Variants in GBF1 observed in about 807,000 individuals in gnomAD.
The protein encoded by GBF1 is Golgi-specific brefeldin A-resistance guanine nucleotide exchange factor 1.
A neutral mutation model predicts 210.5 loss-of-function variants in GBF1; 114 were observed. That is an observed-to-expected ratio of 0.54 (90% CI 0.47 to 0.63). GBF1 has a LOEUF of 0.63. GBF1 is among the 30% of genes least tolerant of loss of function. The pLI, the probability that GBF1 is intolerant of heterozygous loss-of-function variation, is 0.00. For missense variants in GBF1, 1,851 were observed against 2,357.7 expected, an observed-to-expected ratio of 0.79 and a Z score of 4.45; for synonymous variants, 850 against 889.2, an observed-to-expected ratio of 0.96 and a Z score of 0.78.
chr10:102,243,471 T>C, upstream of GBF1, among the ~76,000 whole-genome samples: 1 of 152,180 alleles, frequency 6.6e-6, no homozygotes, highest in Admixed American at 6.5e-5. Flanking sequence ...AATTGTCATC[T>C]CTCTCCTCCC....
intron 3 of GBF1, among the ~76,000 whole-genome samples, chr10:102,272,953 G>T (rs1173966687): frequency 6.6e-6 from 1 of 152,128 alleles, no homozygotes; most frequent in Non-Finnish European, 1.5e-5. Context: ...CTTCAGACTG[G>T]TTCCTTTGTC....
intron 28 of GBF1, 91 bp from the exon 29 acceptor site, chr10:102,370,616 A>G (rs779686977): frequency 2.3e-5 from 31 of 1,375,396 alleles, no homozygotes; most frequent in Non-Finnish European, 2.9e-5. Flanking sequence ...TACTTAGGGT[A>G]TAATACCAAT....
intron 30 of GBF1, 115 bp from the exon 31 acceptor site, chr10:102,376,157 A>G (rs2060482486): frequency 5.3e-6 from 4 of 749,724 alleles, no homozygotes; most frequent in Non-Finnish European, 8.9e-6. Flanking sequence ...AAATTAAACT[A>G]TGCCAGAGAG....
At chr10:102,248,107 C>T (rs947309943) in intron 1 of GBF1, among the ~76,000 whole-genome samples, 5 of 152,150 alleles carry the variant, frequency 3.3e-5, no homozygotes, top group Non-Finnish European at 5.9e-5. Flanking sequence ...TATGACACTT[C>T]TCATTGATTG....
At chr10:102,291,644 C>T (rs1248738659) in intron 3 of GBF1, among the ~76,000 whole-genome samples, 2 of 152,084 alleles carry the variant, frequency 1.3e-5, no homozygotes, top group East Asian at 1.9e-4. Context: ...AAATGGAAAG[C>T]GTGGGAGTGG....
chr10:102,254,971 A>G (rs1340389410), intron 1 of GBF1, among the ~76,000 whole-genome samples: 1 of 152,180 alleles, frequency 6.6e-6, no homozygotes, highest in Non-Finnish European at 1.5e-5. Context: ...GTGAGGGGAC[A>G]TACTCAGAGA....
chr10:102,288,730 AAAAAAC>A (rs1182476277), intron 3 of GBF1, among the ~76,000 whole-genome samples: 6 of 145,792 alleles, frequency 4.1e-5, no homozygotes, highest in South Asian at 2.2e-4. Flanking sequence ...AGGAAAAAAA[AAAAAAC>A]AAAAAAAAAA....
chr10:102,319,889 C>A (rs2056239153), intron 3 of GBF1, among the ~76,000 whole-genome samples: 1 of 151,768 alleles, frequency 6.6e-6, no homozygotes, highest in African/African-American at 2.4e-5. Context: ...CCACCACGCC[C>A]AACTAATTTT....
the GBF1 span, among the ~76,000 whole-genome samples, chr10:102,235,690 C>G: frequency 6.6e-6 from 1 of 152,148 alleles, no homozygotes; most frequent in Non-Finnish European, 1.5e-5. Context: ...TTGAGTTAGG[C>G]ACTGAGGGTG....
intron 1 of GBF1, among the ~76,000 whole-genome samples, chr10:102,257,193 GCTTT>G (rs1282920673): frequency 6.6e-6 from 1 of 152,194 alleles, no homozygotes; most frequent in Non-Finnish European, 1.5e-5. Flanking sequence ...TCATATTAAT[GCTTT>G]CTTGCTGTCA....
intron 3 of GBF1, among the ~76,000 whole-genome samples, chr10:102,297,945 G>GT (rs2077040168): frequency 6.6e-6 from 1 of 151,904 alleles, no homozygotes; most frequent in Non-Finnish European, 1.5e-5. Flanking sequence ...TTTGGTTTTG[G>GT]TTTTTTTGAG....
At chr10:102,342,157 C>G (rs901941479) in intron 3 of GBF1, among the ~76,000 whole-genome samples, 1 of 151,790 alleles carries the variant, frequency 6.6e-6, no homozygotes, top group Non-Finnish European at 1.5e-5. Flanking sequence ...CTGCCTCAGC[C>G]TCCCGAGTAG....
intron 3 of GBF1, among the ~76,000 whole-genome samples, chr10:102,326,695 CAT>C (rs1163889836): frequency 2.0e-5 from 3 of 152,180 alleles, no homozygotes; most frequent in African/African-American, 7.2e-5. Flanking sequence ...CAACCCCACA[CAT>C]ATATACAAAA....
chr10:102,367,893 G>A (rs1036153399), intron 21 of GBF1, among the ~76,000 whole-genome samples: 1 of 152,172 alleles, frequency 6.6e-6, no homozygotes, highest in African/African-American at 2.4e-5. Context: ...TGGAGTGTGA[G>A]GCCCAGGTTA....
the GBF1 span, among the ~76,000 whole-genome samples, chr10:102,238,975 A>G: frequency 1.8e-3 from 278 of 152,296 alleles, 1 homozygote; most frequent in African/African-American, 6.0e-3. Context: ...ACATTTTTCT[A>G]TTCATCCTGA....
chr10:102,262,008 CTGAG>C (rs1309693144), intron 3 of GBF1, among the ~76,000 whole-genome samples: 2 of 152,172 alleles, frequency 1.3e-5, no homozygotes, highest in Non-Finnish European at 2.9e-5. Context: ...CCTCAGCCTC[CTGAG>C]TAACTGGGAT....
At chr10:102,325,171 T>C (rs974793833) in intron 3 of GBF1, among the ~76,000 whole-genome samples, 3 of 152,198 alleles carry the variant, frequency 2.0e-5, no homozygotes, top group African/African-American at 7.2e-5. Context: ...ATTCCCTAAG[T>C]GCGTTACAGG....
At chr10:102,230,841 G>C in the GBF1 span, 1 of 1,588,552 alleles carries the variant, frequency 6.3e-7, no homozygotes, top group African/African-American at 1.3e-5. Flanking sequence ...TGGAGGCGGC[G>C]ATGGAGCTGG....
At chr10:102,247,836 G>A (rs969741871) in intron 1 of GBF1, among the ~76,000 whole-genome samples, 4 of 152,162 alleles carry the variant, frequency 2.6e-5, no homozygotes, top group African/African-American at 9.7e-5. Context: ...CATTGGCACA[G>A]TGGGAACTCA....
Sources: gnomAD v4.1 joint callset for allele counts (sites outside exome capture counted in the v4.1 genomes callset) on GRCh38, gnomAD v4.1.1 for gene constraint, MANE v1.5 for transcripts, NCBI Gene and HGNC (gene_info 2026-07-23, HGNC 2026-07-21) for gene names.